TTC7B: variants seen among roughly 807,000 people sequenced by gnomAD.
TTC7B encodes tetratricopeptide repeat domain 7B.
TTC7B carries 28 observed loss-of-function variants against 106.8 expected under a neutral mutation model. The ratio of observed to expected loss-of-function variants is 0.26; its 90% CI spans 0.19 to 0.36. The LOEUF (loss-of-function observed/expected upper bound fraction) is 0.36. Ranked by LOEUF, TTC7B falls within the 10% of genes least tolerant of loss-of-function variation. The pLI, the probability that TTC7B is intolerant of heterozygous loss-of-function variation, is 1.00. For synonymous variants in TTC7B, 405 were observed against 430.6 expected (o/e 0.94, Z 0.74); for missense variants, 862 against 1,076.4 (o/e 0.80, Z 2.79).
intron 18 of TTC7B, among the ~76,000 whole-genome samples, chr14:90,582,817 G>C (rs1004775290): frequency 2.0e-5 from 3 of 152,186 alleles, no homozygotes; most frequent in African/African-American, 7.2e-5. Context: ...AATTACACTT[G>C]CATGGGGCAC....
chr14:90,617,492 A>G (rs952356869), intron 16 of TTC7B, among the ~76,000 whole-genome samples: 2 of 152,222 alleles, frequency 1.3e-5, no homozygotes, highest in Non-Finnish European at 2.9e-5. Flanking sequence ...TTTTATGCCA[A>G]TAGCCACTTC....
At chr14:90,614,443 A>G (rs962863218) in intron 16 of TTC7B, among the ~76,000 whole-genome samples, 1 of 152,268 alleles carries the variant, frequency 6.6e-6, no homozygotes, top group African/African-American at 2.4e-5. Flanking sequence ...CAAGTAACTG[A>G]AACAGGACTT....
intron 19 of TTC7B, among the ~76,000 whole-genome samples, chr14:90,551,212 A>G (rs1890067220): frequency 6.6e-6 from 1 of 152,204 alleles, no homozygotes. Context: ...GGGGCTAGAC[A>G]GCAGGCTCCT....
intron 6 of TTC7B, among the ~76,000 whole-genome samples, chr14:90,694,577 A>G (rs1157827510): frequency 6.7e-6 from 1 of 149,336 alleles, no homozygotes; most frequent in Non-Finnish European, 1.5e-5. Flanking sequence ...ACATATATGT[A>G]TAATACATAT....
intron 5 of TTC7B, among the ~76,000 whole-genome samples, chr14:90,701,709 T>TATATATACACACACACACAC (rs1555391267): frequency 1.3e-5 from 2 of 150,090 alleles, no homozygotes; most frequent in African/African-American, 4.9e-5. Flanking sequence ...TATATATATA[T>TATATATACACACACACACAC]ACACACACAC....
intron 19 of TTC7B, among the ~76,000 whole-genome samples, chr14:90,568,999 C>G (rs1392924108): frequency 6.6e-6 from 1 of 152,208 alleles, no homozygotes; most frequent in Non-Finnish European, 1.5e-5. Context: ...GTACCTCCCC[C>G]CACTCAATCC....
At chr14:90,701,685 G>T (rs1046562378) in intron 5 of TTC7B, among the ~76,000 whole-genome samples, 1 of 117,074 alleles carries the variant, frequency 8.5e-6, no homozygotes, top group Non-Finnish European at 2.0e-5. Flanking sequence ...CATTCCAAAA[G>T]AAACGTATAT....
intron 5 of TTC7B, among the ~76,000 whole-genome samples, chr14:90,715,705 C>G (rs1284656450): frequency 6.6e-6 from 1 of 152,168 alleles, no homozygotes; most frequent in Non-Finnish European, 1.5e-5. Flanking sequence ...AGAGTCAGTG[C>G]TGCACAACTC....
intron 5 of TTC7B, among the ~76,000 whole-genome samples, chr14:90,711,245 T>G (rs1888432456): frequency 6.6e-6 from 1 of 152,210 alleles, no homozygotes; most frequent in Non-Finnish European, 1.5e-5. Context: ...TTTAATATCT[T>G]TAAAAAATAA....
chr14:90,552,292 G>A (rs1454971795), intron 19 of TTC7B, among the ~76,000 whole-genome samples: 1 of 152,240 alleles, frequency 6.6e-6, no homozygotes, highest in Non-Finnish European at 1.5e-5. Flanking sequence ...GCACCAGGCA[G>A]GCCCACCTTC....
At chr14:90,718,535 A>C (rs1053539276) in intron 5 of TTC7B, among the ~76,000 whole-genome samples, 3 of 152,202 alleles carry the variant, frequency 2.0e-5, no homozygotes, top group Admixed American at 1.3e-4. Flanking sequence ...CATATCCAGG[A>C]AGACCTAGGT....
rs147951557 is a variant in TTC7B at position 90,624,422 on chromosome 14, T to C, written c.1752-6377A>G. 5.1e-4 allele frequency among the ~76,000 whole-genome samples: 78 copies of C among 152,288 alleles called. 2 individuals carry two copies. The East Asian group carries it at 0.011, about 22-fold the overall frequency. ...GTCAGAGCGGCACTTGTCAGGGCCA[T>C]GCTCGGTGTCTCATGCCATTCCCCA... is the stretch of plus-strand genomic sequence containing the variant. On this transcript the variant is annotated intron_variant, in intron 15 of 19. Coordinates refer to ENST00000328459, the MANE Select transcript of TTC7B (RefSeq NM_001010854.2). This position sits in a 1 kb window ranked among gnomAD's most constrained non-coding sequence, Gnocchi z 4.0.
intron 2 of TTC7B, among the ~76,000 whole-genome samples, chr14:90,783,705 C>T (rs761133513): frequency 1.3e-5 from 2 of 151,874 alleles, no homozygotes; most frequent in Non-Finnish European, 2.9e-5. Context: ...CGGAGGCCGA[C>T]GCAGGCAGAT....
chr14:90,705,109 TC>T (rs1888152615), intron 5 of TTC7B, among the ~76,000 whole-genome samples: 1 of 152,156 alleles, frequency 6.6e-6, no homozygotes, highest in Non-Finnish European at 1.5e-5. Flanking sequence ...CACTCTCTCA[TC>T]AAGAAAGTCC....
rs8009388 is a variant in TTC7B, at chr14:90,575,803, T to A, written c.2310+2303A>T. On this transcript the variant is annotated intron_variant, in intron 19 of 19. Coordinates refer to ENST00000328459, the MANE Select transcript of TTC7B (RefSeq NM_001010854.2). The surrounding 1 kb of genome is among the most constrained non-coding windows in gnomAD (Gnocchi z 5.2). The stretch of plus-strand genomic sequence containing the variant: ...CAAATCTGTAGTCTCGCTCTTCTCA[T>A]CCTGCCTCCAATCTGGATGGTTTTT... 0.13 allele frequency among the ~76,000 whole-genome samples: 19,563 copies of A among 152,208 alleles called. 1,450 individuals carry two copies. Among genetic ancestry groups the A allele is most frequent in the African/African-American group, 0.21 (8,559 of 41,512 alleles).
rs562429310 is a variant in TTC7B at position 90,541,296 on chromosome 14, C to T, written c.*72G>A. On this transcript the variant is annotated 3_prime_UTR_variant, in exon 20 of 20. Coordinates refer to ENST00000328459, the MANE Select transcript of TTC7B (RefSeq NM_001010854.2). ...GTGTGGCAGATTCATCCCCTTGGGG[C>T]GATGGCACAAGCCCTGGTGCCCGGC... 38 of 1,383,656 alleles carry T rather than the reference C, an allele frequency of 2.7e-5. No homozygotes were observed. Among genetic ancestry groups the T allele is most frequent in the African/African-American group, 1.4e-4 (10 of 70,950 alleles). The allele number at this position is 1,383,656 out of a possible 1,614,324, so 85.7% of individuals were successfully genotyped here. A position where few individuals can be genotyped will look rare whatever the true frequency, so the allele number is the denominator to read the frequency against.
At chr14:90,750,670 G>A (rs2140007182) in intron 3 of TTC7B, among the ~76,000 whole-genome samples, 1 of 152,330 alleles carries the variant, frequency 6.6e-6, no homozygotes, top group African/African-American at 2.4e-5. Context: ...GACACTCAAA[G>A]TCTCAGCTGG....
At position 90,570,719 on chromosome 14, in the gene TTC7B, CCAGG is replaced by C. The variant is rs1890999522; in HGVS notation, c.2310+7383_2310+7386del. On this transcript the variant is annotated intron_variant, in intron 19 of 19. Coordinates refer to ENST00000328459, the MANE Select transcript of TTC7B (RefSeq NM_001010854.2). The surrounding 1 kb of genome is among the most constrained non-coding windows in gnomAD (Gnocchi z 4.0). The stretch of plus-strand genomic sequence containing the variant: ...AAACAGACGCAAAGGATCTCCCAGC[CCAGG>C]CGCGACCTGGATTACAGAGAATGAC... Among the ~76,000 whole-genome samples the C allele has an allele frequency of 4.6e-5, 7 of 152,190 alleles. No individual in the cohort carries two copies. The highest frequency in any genetic ancestry group is 1.0e-4 in the Non-Finnish European group (7 of 68,032).
intron 4 of TTC7B, among the ~76,000 whole-genome samples, chr14:90,740,380 T>TCCAGA (rs1368011437): frequency 6.6e-6 from 1 of 150,888 alleles, no homozygotes; most frequent in Non-Finnish European, 1.5e-5. Context: ...AACAGAGAAG[T>TCCAGA]CCAGACACGG....
Sources: allele counts gnomAD v4.1 joint callset (sites outside exome capture counted in the v4.1 genomes callset), GRCh38; gene constraint gnomAD v4.1.1; non-coding constraint Gnocchi (gnomAD v3.1); transcripts MANE v1.5; gene names NCBI Gene and HGNC (gene_info 2026-07-23, HGNC 2026-07-21).